The following OPCML variants were observed in gnomAD, a reference collection of about 807,000 sequenced individuals.
The protein encoded by OPCML is opioid-binding protein/cell adhesion molecule.
In OPCML, 13 loss-of-function variants were observed where a neutral mutation model predicts 37.8. The ratio of observed to expected loss-of-function variants is 0.34; its 90% CI spans 0.22 to 0.55. OPCML has a LOEUF of 0.55. Among genes scored for constraint, OPCML ranks in the 20% least tolerant of loss-of-function variants. The pLI is 0.91. For missense variants in OPCML, 341 were observed against 435.6 expected (o/e 0.78, Z 1.93); for synonymous variants, 176 against 168.8 (o/e 1.04, Z -0.33).
At chr11:133,381,673 GA>G (rs939517261) in intron 1 of OPCML, among the ~76,000 whole-genome samples, 3 of 152,314 alleles carry the variant, frequency 2.0e-5, no homozygotes, top group African/African-American at 7.2e-5. Flanking sequence ...GGAGTGACCA[GA>G]GGGAGACCTC....
intron 4 of OPCML, among the ~76,000 whole-genome samples, chr11:132,447,125 CT>C (rs1307580487): frequency 6.6e-6 from 1 of 152,166 alleles, no homozygotes; most frequent in African/African-American, 2.4e-5. Context: ...CTTTGCTTGC[CT>C]TTGGGGGAAT....
At chr11:132,912,632 A>C (rs565463201) in intron 2 of OPCML, among the ~76,000 whole-genome samples, 33 of 152,354 alleles carry the variant, frequency 2.2e-4, no homozygotes, top group Non-Finnish European at 4.3e-4. Context: ...ACAGCTTTCA[A>C]CACAATCCTA....
chr11:132,808,864 T>C (rs548095205), intron 2 of OPCML, among the ~76,000 whole-genome samples: 4 of 152,150 alleles, frequency 2.6e-5, no homozygotes, highest in Admixed American at 6.5e-5. Context: ...CCAGGACCTC[T>C]GGCCAAAGGA....
chr11:133,306,888 C>G (rs150681733), intron 1 of OPCML, among the ~76,000 whole-genome samples: 98 of 152,302 alleles, frequency 6.4e-4, no homozygotes, highest in African/African-American at 2.3e-3. Context: ...AAGACACATA[C>G]AGCTGGCCAT....
chr11:133,270,645 G>A (rs1941802273), intron 1 of OPCML, among the ~76,000 whole-genome samples: 1 of 152,182 alleles, frequency 6.6e-6, no homozygotes, highest in Admixed American at 6.5e-5. Flanking sequence ...TGGAAACACT[G>A]TAAACAGGTG....
intron 1 of OPCML, among the ~76,000 whole-genome samples, chr11:133,263,957 C>G (rs1462437530): frequency 3.3e-5 from 5 of 152,186 alleles, no homozygotes; most frequent in Non-Finnish European, 7.3e-5. Flanking sequence ...GCTGTCTAAG[C>G]TCCTGATGTC....
chr11:133,107,361 C>T (rs1441081349), intron 1 of OPCML, among the ~76,000 whole-genome samples: 21 of 152,226 alleles, frequency 1.4e-4, no homozygotes, highest in Admixed American at 1.4e-3. Context: ...ACTGCCTGGA[C>T]AGACGCTGAG....
intron 3 of OPCML, among the ~76,000 whole-genome samples, chr11:132,592,755 C>G (rs1330827708): frequency 6.6e-6 from 1 of 152,162 alleles, no homozygotes. Context: ...CCAGAATGTA[C>G]AAAGATCAAA....
chr11:132,931,468 A>G (rs1024122113), intron 2 of OPCML, among the ~76,000 whole-genome samples: 1 of 152,204 alleles, frequency 6.6e-6, no homozygotes, highest in African/African-American at 2.4e-5. Context: ...AAACGTTGAA[A>G]AACAAAGAAA....
chr11:132,972,588 G>C (rs1376258374), intron 1 of OPCML, among the ~76,000 whole-genome samples: 3 of 152,240 alleles, frequency 2.0e-5, no homozygotes, highest in Non-Finnish European at 4.4e-5. Context: ...GCAACATAAA[G>C]AGAAACTGTC....
intron 2 of OPCML, among the ~76,000 whole-genome samples, chr11:132,669,461 C>G (rs1274777775): frequency 6.6e-6 from 1 of 152,156 alleles, no homozygotes; most frequent in Admixed American, 6.5e-5. Context: ...AAGGTGACAC[C>G]ATTAGCTAGT....
chr11:132,686,976 T>TA (rs1943186919), intron 2 of OPCML, among the ~76,000 whole-genome samples: 1 of 152,168 alleles, frequency 6.6e-6, no homozygotes, highest in Non-Finnish European at 1.5e-5. Flanking sequence ...ACATCAGAGA[T>TA]ATTTTTATGC....
At chr11:132,643,386 G>C (rs996911352) in intron 3 of OPCML, among the ~76,000 whole-genome samples, 3 of 152,170 alleles carry the variant, frequency 2.0e-5, no homozygotes, top group Non-Finnish European at 2.9e-5. Flanking sequence ...CCAGAGAACC[G>C]CAGGGTGTCC....
intron 1 of OPCML, among the ~76,000 whole-genome samples, chr11:133,158,473 G>A (rs773859835): frequency 9.9e-5 from 15 of 151,858 alleles, no homozygotes; most frequent in Non-Finnish European, 1.5e-4. Flanking sequence ...AGGCTGAGGC[G>A]GGAGGATCAC....
intron 2 of OPCML, among the ~76,000 whole-genome samples, chr11:132,726,540 T>C (rs1180314196): frequency 6.6e-6 from 1 of 151,438 alleles, no homozygotes; most frequent in Non-Finnish European, 1.5e-5. Context: ...CTCATAATAA[T>C]GAGGTTACAG....
intron 2 of OPCML, among the ~76,000 whole-genome samples, chr11:132,839,206 C>G (rs1366853626): frequency 2.6e-5 from 4 of 152,162 alleles, no homozygotes; most frequent in Non-Finnish European, 4.4e-5. Flanking sequence ...AAAAACAGAC[C>G]TAGCAGAGTG....
intron 1 of OPCML, among the ~76,000 whole-genome samples, chr11:132,979,748 C>T (rs974054405): frequency 4.6e-5 from 7 of 152,134 alleles, no homozygotes; most frequent in Non-Finnish European, 8.8e-5. Flanking sequence ...GTCTTCAGAA[C>T]GTAAGTAACA....
intron 2 of OPCML, among the ~76,000 whole-genome samples, chr11:132,852,963 A>C (rs910935114): frequency 1.3e-5 from 2 of 152,176 alleles, no homozygotes; most frequent in African/African-American, 4.8e-5. Flanking sequence ...CAAAGCCTAA[A>C]ATATTTTCTT....
At chr11:133,515,923 C>T (rs1267023843) in intron 1 of OPCML, among the ~76,000 whole-genome samples, 3 of 151,898 alleles carry the variant, frequency 2.0e-5, no homozygotes, top group East Asian at 1.9e-4. Context: ...AGTTCAACTT[C>T]GCAGAGTGAG....
Sources: allele counts gnomAD v4.1 joint callset (sites outside exome capture counted in the v4.1 genomes callset), GRCh38; gene constraint gnomAD v4.1.1; transcripts MANE v1.5; gene names NCBI Gene and HGNC (gene_info 2026-07-23, HGNC 2026-07-21).